Variants in ABR observed in about 807,000 individuals in gnomAD.
The protein encoded by ABR is ABR activator of RhoGEF and GTPase.
In ABR, 35 loss-of-function variants were observed where a neutral mutation model predicts 107.2. The ratio of observed to expected loss-of-function variants is 0.33; its 90% CI spans 0.25 to 0.43. The LOEUF is 0.43. ABR is among the 20% of genes least tolerant of loss of function. The pLI, the probability that ABR is intolerant of heterozygous loss-of-function variation, is 1.00. For missense variants in ABR, 815 were observed against 1,115.2 expected (o/e 0.73, Z 3.83); for synonymous variants, 498 against 462.0 (o/e 1.08, Z -1.00).
chr17:1,126,186 G>T (rs902564493), intron 1 of ABR, among the ~76,000 whole-genome samples: 2 of 152,166 alleles, frequency 1.3e-5, no homozygotes, highest in Non-Finnish European at 2.9e-5. Context: ...GGGTGTGCAG[G>T]TCAGCAGCTC....
chr17:1,060,071 A>G (rs1323276800), intron 10 of ABR, among the ~76,000 whole-genome samples: 1 of 152,178 alleles, frequency 6.6e-6, no homozygotes, highest in Non-Finnish European at 1.5e-5. Flanking sequence ...ACACCCAAAA[A>G]CATTTGTATG....
intron 1 of ABR, among the ~76,000 whole-genome samples, chr17:1,169,247 C>A (rs1204949884): frequency 2.0e-5 from 3 of 152,204 alleles, no homozygotes; most frequent in African/African-American, 7.2e-5. Flanking sequence ...GGGTGCCCCC[C>A]ATGGCAGAAG....
chr17:1,178,238 C>T (rs1478119740), intron 1 of ABR, among the ~76,000 whole-genome samples: 2 of 151,934 alleles, frequency 1.3e-5, no homozygotes, highest in Non-Finnish European at 2.9e-5. Flanking sequence ...CCCCCACCCC[C>T]CCCATATGAC....
At chr17:1,038,125 G>T (rs1023751094) in intron 16 of ABR, among the ~76,000 whole-genome samples, 17 of 152,086 alleles carry the variant, frequency 1.1e-4, no homozygotes, top group African/African-American at 4.1e-4. Context: ...ACCACCCCTC[G>T]CCTGCCTTGG....
intron 2 of ABR, among the ~76,000 whole-genome samples, chr17:1,116,716 TCA>T (rs1251541873): frequency 7.2e-6 from 1 of 138,036 alleles, no homozygotes. Flanking sequence ...ACCCTGAGCC[TCA>T]GTGTCTTCAT....
rs546338374 is a variant in ABR at position 1,065,970 on chromosome 17, C to G, written c.1182+1107G>C. 4.3e-4 allele frequency among the ~76,000 whole-genome samples: 65 copies of G among 152,264 alleles called. 1 individual carries two copies. The highest frequency in any genetic ancestry group is 1.4e-3 in the African/African-American group (57 of 41,550). On this transcript the variant is annotated intron_variant, in intron 10 of 22. Coordinates refer to ENST00000302538, the MANE Select transcript of ABR (RefSeq NM_021962.5). ...ATGTTGGCCAGGCTGGTCTCAAACT[C>G]CTGACCTCAGGTGACCTGCCTGCCT... is the stretch of plus-strand genomic sequence containing the variant.
At chr17:1,081,763 G>C (rs753388464) in intron 5 of ABR, among the ~76,000 whole-genome samples, 1 of 151,770 alleles carries the variant, frequency 6.6e-6, no homozygotes, top group Non-Finnish European at 1.5e-5. Flanking sequence ...CTTTAGTAGA[G>C]ACGGCGTTTC....
At chr17:1,045,831 A>G (rs2031502261) in intron 16 of ABR, among the ~76,000 whole-genome samples, 1 of 151,966 alleles carries the variant, frequency 6.6e-6, no homozygotes, top group Admixed American at 6.6e-5. Context: ...TGGGCTGGGG[A>G]CCTCACAGAC....
chr17:1,108,813 C>A, intron 2 of ABR: 2 of 388,120 alleles, frequency 5.2e-6, no homozygotes. Flanking sequence ...GGGGCCGGGA[C>A]CCTCCGCCGA....
At chr17:1,036,422 G>A (rs2073179642) in intron 16 of ABR, among the ~76,000 whole-genome samples, 2 of 152,186 alleles carry the variant, frequency 1.3e-5, no homozygotes, top group Admixed American at 6.5e-5. Context: ...CAGGGCACCG[G>A]CTGGGCATCA....
At chr17:1,178,994 G>C (rs1164339444) in intron 1 of ABR, among the ~76,000 whole-genome samples, 2 of 151,126 alleles carry the variant, frequency 1.3e-5, no homozygotes, top group African/African-American at 4.9e-5. Flanking sequence ...TGGAGAACTC[G>C]AGAAGGTTTG....
chr17:1,058,629 C>G, intron 11 of ABR, 116 bp downstream of exon 11: 1 of 1,388,928 alleles, frequency 7.2e-7, no homozygotes, highest in East Asian at 2.5e-5. Context: ...TGGCAGCCTC[C>G]TCAGGAAGAG....
chr17:1,023,548 G>A (rs977346819), intron 16 of ABR, among the ~76,000 whole-genome samples: 6 of 76,760 alleles, frequency 7.8e-5, no homozygotes, highest in African/African-American at 4.9e-4. Context: ...AACAGGCCAG[G>A]GCCAAAGCAA....
intron 16 of ABR, among the ~76,000 whole-genome samples, chr17:1,046,973 C>T (rs895365275): frequency 2.6e-5 from 4 of 152,200 alleles, no homozygotes; most frequent in African/African-American, 4.8e-5. Context: ...CTAAATGCTT[C>T]CCCCACCCCA....
At position 1,229,617 on chromosome 17, in the gene ABR, C is replaced by CGG. The variant is rs1379633523; in HGVS notation, c.12_13dup (p.Arg5ProfsTer195). ...GGCCCGCCAGCGCCGCTCGAACGCG[C>CGG]GGGGGTCCCACATGCCCCGAGCTCC... On this transcript the variant is annotated frameshift_variant, in exon 1 of 23. Transcript: ENST00000574139. LOFTEE classifies it high-confidence loss of function. Among the ~76,000 whole-genome samples, 10 of 151,992 alleles carry CGG rather than the reference C, an allele frequency of 6.6e-5. No individual in the cohort carries two copies. Among genetic ancestry groups the CGG allele is most frequent in the Admixed American group, 5.2e-4 (8 of 15,272 alleles).
In ABR at chr17:1,007,443, G is replaced by T; in HGVS notation, c.2343-131C>A. 4.5e-6 allele frequency: 5 copies of T among 1,113,476 alleles called. No homozygotes were observed. The South Asian group carries it at 6.3e-5, about 14-fold the overall frequency. 69.0% of individuals were successfully genotyped at this position (1,113,476 alleles called of 1,614,324 possible). A position where few individuals can be genotyped will look rare whatever the true frequency, so the allele number is the denominator to read the frequency against. On this transcript the variant is annotated intron_variant, in intron 21 of 22. Transcript: ENST00000302538. The stretch of plus-strand genomic sequence containing the variant: ...GGGTCACCTCGTCTCTGTCTCCTAG[G>T]AGTGGGGACCTCCCCCGGGGGAAGG...
At chr17:1,224,119 G>A (rs1462250864) in intron 1 of ABR, among the ~76,000 whole-genome samples, 1 of 152,108 alleles carries the variant, frequency 6.6e-6, no homozygotes, top group East Asian at 1.9e-4. Context: ...GTCAGTGGCT[G>A]GCCGGTGGTC....
chr17:1,158,456 A>G (rs757035501), intron 1 of ABR, among the ~76,000 whole-genome samples: 1 of 151,816 alleles, frequency 6.6e-6, no homozygotes, highest in Non-Finnish European at 1.5e-5. Context: ...GCATATTGCT[A>G]CATTTCACAT....
intron 2 of ABR, among the ~76,000 whole-genome samples, chr17:1,114,990 A>G (rs371460442): frequency 1.3e-5 from 2 of 152,322 alleles, no homozygotes; most frequent in East Asian, 3.9e-4. Context: ...CTCTCTCGTG[A>G]GAGTTCACAA....
Sources: allele counts gnomAD v4.1 joint callset (sites outside exome capture counted in the v4.1 genomes callset), GRCh38; gene constraint gnomAD v4.1.1; transcripts MANE v1.5; gene names NCBI Gene and HGNC (gene_info 2026-07-23, HGNC 2026-07-21).